The following PDGFD variants were observed in gnomAD, a reference collection of about 807,000 sequenced individuals.
PDGFD encodes platelet derived growth factor D.
In PDGFD, 30 loss-of-function variants were observed where a neutral mutation model predicts 44.7. That is an observed-to-expected ratio of 0.67 (90% CI 0.50 to 0.91). PDGFD has a LOEUF of 0.91. PDGFD is among the 40% of genes least tolerant of loss of function. The pLI, the probability that PDGFD is intolerant of heterozygous loss-of-function variation, is 0.00. For synonymous variants in PDGFD, 173 were observed against 168.4 expected (o/e 1.03, Z -0.21); for missense variants, 445 against 457.8 (o/e 0.97, Z 0.25).
rs1408809275 is a variant in PDGFD, at chr11:103,914,590, C to T, written c.988-4771G>A. Among the ~76,000 whole-genome samples the T allele has an allele frequency of 1.3e-5, 2 of 152,236 alleles. 1 individual carries two copies. The highest frequency in any genetic ancestry group is 3.9e-4 in the East Asian group (2 of 5,172). On this transcript the variant is annotated intron_variant, in intron 6 of 6. Transcript: ENST00000393158. ...TAGAAAATGGGAATCCTCCCTAACT[C>T]ATTTTACGAGGCCAGCATCATCCTG... is the stretch of plus-strand genomic sequence containing the variant.
intron 5 of PDGFD, among the ~76,000 whole-genome samples, chr11:103,933,176 G>T (rs1326935278): frequency 6.6e-6 from 1 of 152,134 alleles, no homozygotes; most frequent in Non-Finnish European, 1.5e-5. Flanking sequence ...CCAGGTTTAT[G>T]ATGCTTTGGG....
At chr11:104,010,095 A>C (rs979304534) in intron 1 of PDGFD, among the ~76,000 whole-genome samples, 1 of 152,188 alleles carries the variant, frequency 6.6e-6, no homozygotes, top group Non-Finnish European at 1.5e-5. Flanking sequence ...ATTCTCCAGC[A>C]GAGATTTTTC....
chr11:104,133,316 A>G (rs1439835186), intron 1 of PDGFD, among the ~76,000 whole-genome samples: 1 of 152,204 alleles, frequency 6.6e-6, no homozygotes, highest in Non-Finnish European at 1.5e-5. Context: ...ATTTTCATCA[A>G]GAAGAGTTTG....
rs141601482 is a variant in PDGFD at position 103,959,902 on chromosome 11, T to C, written c.511-12178A>G. ...GGATAAATGGTAATTAAATGAGAGA[T>C]CCTGCAATTTAATTTCTATTAGTTC... is the stretch of plus-strand genomic sequence containing the variant. On this transcript the variant is annotated intron_variant, in intron 3 of 6. Transcript: ENST00000393158. 1.5e-3 allele frequency among the ~76,000 whole-genome samples: 226 copies of C among 152,274 alleles called. 1 individual carries two copies. The highest frequency in any genetic ancestry group is 5.1e-3 in the African/African-American group (212 of 41,558).
chr11:104,000,553 T>A (rs1228851807), intron 1 of PDGFD, among the ~76,000 whole-genome samples: 4 of 139,996 alleles, frequency 2.9e-5, no homozygotes, highest in African/African-American at 1.1e-4. Flanking sequence ...TCAATTGATA[T>A]TCTCCGATGG....
chr11:104,023,581 T>C (rs910319880), intron 1 of PDGFD, among the ~76,000 whole-genome samples: 1 of 152,162 alleles, frequency 6.6e-6, no homozygotes, highest in Non-Finnish European at 1.5e-5. Context: ...AATTGTACAA[T>C]TTTTCATACT....
At chr11:104,121,752 G>A (rs1192908592) in intron 1 of PDGFD, among the ~76,000 whole-genome samples, 1 of 151,996 alleles carries the variant, frequency 6.6e-6, no homozygotes, top group Admixed American at 6.6e-5. Flanking sequence ...ACCTGGAGTA[G>A]CACTGATACA....
At chr11:104,074,569 T>C (rs1440756609) in intron 1 of PDGFD, among the ~76,000 whole-genome samples, 1 of 152,170 alleles carries the variant, frequency 6.6e-6, no homozygotes, top group Non-Finnish European at 1.5e-5. Flanking sequence ...TAGGAAGCAG[T>C]GTGGTACTGG....
chr11:103,914,375 T>C (rs1187870804), intron 6 of PDGFD, among the ~76,000 whole-genome samples: 2 of 152,066 alleles, frequency 1.3e-5, no homozygotes, highest in African/African-American at 2.4e-5. Flanking sequence ...CCAAAACACA[T>C]ACACCCTCTC....
chr11:103,976,981 TAAAC>T (rs1024618949), intron 3 of PDGFD, among the ~76,000 whole-genome samples: 2 of 151,906 alleles, frequency 1.3e-5, no homozygotes, highest in Non-Finnish European at 2.9e-5. Flanking sequence ...AAGAATCAAA[TAAAC>T]AGAATAGAAA....
At chr11:104,003,019 C>T (rs936847463) in intron 1 of PDGFD, among the ~76,000 whole-genome samples, 2 of 152,082 alleles carry the variant, frequency 1.3e-5, no homozygotes, top group African/African-American at 4.8e-5. Flanking sequence ...ATTATATATT[C>T]TTTCTTTACA....
intron 1 of PDGFD, among the ~76,000 whole-genome samples, chr11:104,032,116 C>T (rs572550651): frequency 3.7e-4 from 57 of 152,002 alleles, no homozygotes; most frequent in Non-Finnish European, 7.1e-4. Context: ...ATGAAACAAA[C>T]CTGCACATCC....
chr11:103,997,072 T>A (rs138902576), intron 2 of PDGFD, among the ~76,000 whole-genome samples: 51 of 152,330 alleles, frequency 3.3e-4, no homozygotes, highest in Non-Finnish European at 6.5e-4. Context: ...AGTAACATAG[T>A]TTACATCTTC....
At chr11:103,980,294 G>A (rs903841428) in intron 3 of PDGFD, among the ~76,000 whole-genome samples, 4 of 151,980 alleles carry the variant, frequency 2.6e-5, no homozygotes, top group African/African-American at 9.7e-5. Context: ...TGAGCCAAAG[G>A]AATACATTAT....
rs200255440 is a variant in PDGFD at position 103,996,269 on chromosome 11, A to T, written c.330-24T>A. The T allele has an allele frequency of 2.0e-4, 307 of 1,574,188 alleles. 3 individuals carry two copies. Among genetic ancestry groups the T allele is most frequent in the Admixed American group, 9.2e-5 (5 of 54,366 alleles). On this transcript the variant is annotated intron_variant, in intron 2 of 6. Transcript: ENST00000393158. ...ACCTAGAATCAATTGGACATAATGA[A>T]CAAGTTTTGATTAAAGTAGATTTTG... is the stretch of plus-strand genomic sequence containing the variant.
At chr11:103,998,198 T>C (rs563360518) in intron 2 of PDGFD, among the ~76,000 whole-genome samples, 3 of 152,330 alleles carry the variant, frequency 2.0e-5, no homozygotes, top group Admixed American at 2.0e-4. Flanking sequence ...TCTTTTTTTA[T>C]TCATAATAAG....
intron 1 of PDGFD, among the ~76,000 whole-genome samples, chr11:104,077,324 G>A (rs1231963125): frequency 6.6e-6 from 1 of 152,204 alleles, no homozygotes; most frequent in Non-Finnish European, 1.5e-5. Context: ...AGATGAAGAA[G>A]GAAGGATGTA....
intron 6 of PDGFD, among the ~76,000 whole-genome samples, chr11:103,914,680 T>C (rs1858087401): frequency 1.3e-5 from 2 of 152,170 alleles, no homozygotes; most frequent in Admixed American, 1.3e-4. Context: ...CTGATGAACA[T>C]TGATGTGAAA....
intron 4 of PDGFD, among the ~76,000 whole-genome samples, chr11:103,945,063 G>C (rs571743967): frequency 6.6e-6 from 1 of 152,124 alleles, no homozygotes; most frequent in South Asian, 2.1e-4. Flanking sequence ...AGTCCACTCT[G>C]TATTCTGTTC....
Sources: gnomAD v4.1 joint callset for allele counts (sites outside exome capture counted in the v4.1 genomes callset) on GRCh38, gnomAD v4.1.1 for gene constraint, MANE v1.5 for transcripts, NCBI Gene and HGNC (gene_info 2026-07-23, HGNC 2026-07-21) for gene names.